SCHIP1: variants seen among roughly 807,000 people sequenced by gnomAD.
SCHIP1 encodes schwannomin interacting protein 1, also known as schwannomin-interacting protein 1.
A neutral mutation model predicts 29.7 loss-of-function variants in SCHIP1; 8 were observed. The ratio of observed to expected loss-of-function variants is 0.27; its 90% CI spans 0.16 to 0.49. The LOEUF is 0.49. SCHIP1 is among the 20% of genes least tolerant of loss of function. SCHIP1 has a pLI of 0.99. For missense variants in SCHIP1, 193 were observed against 294.6 expected (o/e 0.66, Z 2.52); for synonymous variants, 76 against 94.9 (o/e 0.80, Z 1.16).
chr3:159,593,187 T>C, the SCHIP1 span, among the ~76,000 whole-genome samples: 1 of 152,126 alleles, frequency 6.6e-6, no homozygotes, highest in African/African-American at 2.4e-5. Flanking sequence ...TAATAAAAAT[T>C]AGCCATTAAT....
the SCHIP1 span, among the ~76,000 whole-genome samples, chr3:159,804,185 T>A: frequency 6.6e-6 from 1 of 152,140 alleles, no homozygotes; most frequent in Non-Finnish European, 1.5e-5. Flanking sequence ...AACCCCACAA[T>A]GAACTATAGG....
the SCHIP1 span, among the ~76,000 whole-genome samples, chr3:159,477,910 CATTTTAA>C: frequency 1.3e-4 from 18 of 139,856 alleles, no homozygotes; most frequent in African/African-American, 4.7e-4. Flanking sequence ...TTCGAGGTCT[CATTTTAA>C]ATCTTTTTTT....
At chr3:159,855,885 C>A (rs540456384) in intron 1 of SCHIP1, among the ~76,000 whole-genome samples, 5 of 152,248 alleles carry the variant, frequency 3.3e-5, no homozygotes, top group African/African-American at 1.2e-4. Context: ...AAATTAGATT[C>A]CACCGAAGCA....
chr3:159,712,326 T>C, the SCHIP1 span, among the ~76,000 whole-genome samples: 2 of 152,256 alleles, frequency 1.3e-5, no homozygotes, highest in African/African-American at 4.8e-5. Flanking sequence ...CCATATTGTA[T>C]TTTTACGCAA....
chr3:159,871,469 T>C (rs557540400), intron 2 of SCHIP1, among the ~76,000 whole-genome samples: 1 of 152,320 alleles, frequency 6.6e-6, no homozygotes, highest in Admixed American at 6.5e-5. Context: ...ACTTCGTCTC[T>C]ATTTTGTTCA....
chr3:159,545,604 G>A, the SCHIP1 span, among the ~76,000 whole-genome samples: 4 of 148,130 alleles, frequency 2.7e-5, no homozygotes, highest in African/African-American at 5.0e-5. Flanking sequence ...GTGTGTGTGT[G>A]TATATACATA....
the SCHIP1 span, among the ~76,000 whole-genome samples, chr3:159,358,791 G>A: frequency 6.6e-6 from 1 of 152,220 alleles, no homozygotes; most frequent in South Asian, 2.1e-4. Context: ...CTAGAAAATA[G>A]GTGAGATGTA....
the SCHIP1 span, among the ~76,000 whole-genome samples, chr3:159,549,621 C>T: frequency 6.6e-6 from 1 of 152,134 alleles, no homozygotes; most frequent in Non-Finnish European, 1.5e-5. Flanking sequence ...GCCAACCCTT[C>T]TTACACTTTG....
the SCHIP1 span, among the ~76,000 whole-genome samples, chr3:159,631,276 T>A: frequency 6.6e-6 from 1 of 151,986 alleles, no homozygotes; most frequent in African/African-American, 2.4e-5. Flanking sequence ...TGGAAAACAG[T>A]TTGATGGTTT....
At chr3:159,601,818 G>A in the SCHIP1 span, among the ~76,000 whole-genome samples, 13 of 152,314 alleles carry the variant, frequency 8.5e-5, no homozygotes, top group Non-Finnish European at 1.5e-4. Flanking sequence ...AGCACCTTTG[G>A]CTCTAGCCAG....
the SCHIP1 span, among the ~76,000 whole-genome samples, chr3:159,294,822 A>G: frequency 4.6e-5 from 7 of 152,112 alleles, no homozygotes; most frequent in Non-Finnish European, 1.0e-4. Flanking sequence ...TTGGCAATAA[A>G]TCTCTACTTG....
At chr3:159,692,430 T>TC in the SCHIP1 span, among the ~76,000 whole-genome samples, 3 of 152,224 alleles carry the variant, frequency 2.0e-5, no homozygotes, top group African/African-American at 7.2e-5. Flanking sequence ...TTCTTTTTAT[T>TC]CTTTTTTCTC....
chr3:159,773,565 T>A, the SCHIP1 span, among the ~76,000 whole-genome samples: 1 of 152,218 alleles, frequency 6.6e-6, no homozygotes, highest in Admixed American at 6.5e-5. Context: ...TCCCCAAATT[T>A]AATTTGGAGT....
the SCHIP1 span, among the ~76,000 whole-genome samples, chr3:159,400,858 G>A: frequency 6.6e-6 from 1 of 152,172 alleles, no homozygotes; most frequent in Admixed American, 6.5e-5. Flanking sequence ...CCCAAGTGAT[G>A]ATAGCAGGCT....
At chr3:159,315,193 ACTT>A in the SCHIP1 span, among the ~76,000 whole-genome samples, 1 of 127,750 alleles carries the variant, frequency 7.8e-6, no homozygotes, top group Non-Finnish European at 1.6e-5. Flanking sequence ...TTTTTTTAGG[ACTT>A]CTTTTTTTTT....
the SCHIP1 span, among the ~76,000 whole-genome samples, chr3:159,585,363 A>G: frequency 3.3e-5 from 5 of 152,130 alleles, no homozygotes; most frequent in East Asian, 9.6e-4. Flanking sequence ...TCCAGAGACA[A>G]CTTGGTAATT....
chr3:159,665,585 C>T, the SCHIP1 span, among the ~76,000 whole-genome samples: 28 of 141,258 alleles, frequency 2.0e-4, no homozygotes, highest in Middle Eastern at 3.5e-3. Flanking sequence ...TAAGGCCATA[C>T]AGTCAACACA....
the SCHIP1 span, among the ~76,000 whole-genome samples, chr3:159,511,354 G>A: frequency 6.6e-6 from 1 of 152,182 alleles, no homozygotes; most frequent in African/African-American, 2.4e-5. Flanking sequence ...GGATTTTCCA[G>A]GTGCTTTCTG....
the SCHIP1 span, among the ~76,000 whole-genome samples, chr3:159,774,974 C>T: frequency 6.6e-6 from 1 of 151,962 alleles, no homozygotes; most frequent in East Asian, 1.9e-4. Flanking sequence ...TTCCATTTCT[C>T]AGAGTCTCTT....
Sources: allele counts gnomAD v4.1 joint callset (sites outside exome capture counted in the v4.1 genomes callset), GRCh38; gene constraint gnomAD v4.1.1; transcripts MANE v1.5; gene names NCBI Gene and HGNC (gene_info 2026-07-23, HGNC 2026-07-21).